Variants in ITPR2 observed in about 807,000 individuals in gnomAD.
ITPR2 encodes inositol 1,4,5-trisphosphate-gated calcium channel ITPR2.
Under a neutral mutation model 317.1 loss-of-function variants are expected in ITPR2, and 207 were observed. That is an observed-to-expected ratio of 0.65 (90% CI 0.58 to 0.73). The LOEUF (loss-of-function observed/expected upper bound fraction) is 0.73, where lower values mean the gene tolerates loss of function less well. ITPR2 is among the 30% of genes least tolerant of loss of function. The probability of loss-of-function intolerance (pLI) is 0.00; values close to 1 mark genes in which losing one functional copy is unlikely to be tolerated. For synonymous variants in ITPR2, 1,156 were observed against 1,149.1 expected (o/e 1.01, Z -0.12); for missense variants, 2,613 against 3,284.0 (o/e 0.80, Z 4.99).
rs571118402 is a variant in ITPR2 at position 26,402,832 on chromosome 12, C to T, written c.7400-2574G>A. ...GGTAAATTCATCTAGTAAATGCCAC[C>T]TTGTGGTTACCTGTGTAATCAGCTG... On this transcript the variant is annotated intron_variant, in intron 52 of 56. Transcript: ENST00000381340. Among the ~76,000 whole-genome samples the T allele has an allele frequency of 7.9e-5, 12 of 152,300 alleles. No individual in the cohort carries two copies. The East Asian group carries it at 1.7e-3, about 22-fold the overall frequency.
chr12:26,829,640 A>G (rs61338059), intron 1 of ITPR2, among the ~76,000 whole-genome samples: 24,424 of 152,212 alleles, frequency 0.16, 2,330 homozygotes, highest in East Asian at 0.22. Context: ...TCCTAGGCTC[A>G]CCATGCTTCC....
intron 37 of ITPR2, among the ~76,000 whole-genome samples, chr12:26,533,441 G>A (rs1943999107): frequency 6.6e-6 from 1 of 152,220 alleles, no homozygotes; most frequent in South Asian, 2.1e-4. Flanking sequence ...TCAGCAAAAT[G>A]CGCACAAGAG....
chr12:26,582,941 C>A (rs1184319815), intron 32 of ITPR2, among the ~76,000 whole-genome samples: 1 of 152,058 alleles, frequency 6.6e-6, no homozygotes, highest in Admixed American at 6.6e-5. Flanking sequence ...CTGCCTCCAT[C>A]CCCATCTCCC....
chr12:26,583,472 T>C (rs1945450268), intron 32 of ITPR2, among the ~76,000 whole-genome samples: 1 of 152,072 alleles, frequency 6.6e-6, no homozygotes, highest in Non-Finnish European at 1.5e-5. Flanking sequence ...TCAGGCACTG[T>C]TATTTATTTT....
chr12:26,722,326 G>A, intron 5 of ITPR2, 71 bp downstream of exon 5: 1 of 1,345,392 alleles, frequency 7.4e-7, no homozygotes, highest in Non-Finnish European at 1.0e-6. Flanking sequence ...GTACTTTCTG[G>A]ATTATCTTAC....
intron 37 of ITPR2, among the ~76,000 whole-genome samples, chr12:26,532,534 C>G (rs946241324): frequency 2.6e-5 from 4 of 152,178 alleles, no homozygotes; most frequent in Non-Finnish European, 5.9e-5. Context: ...GTGTGTGCCA[C>G]TATGCCCAGC....
At chr12:26,460,729 G>C (rs773088765) in intron 45 of ITPR2, among the ~76,000 whole-genome samples, 1 of 152,084 alleles carries the variant, frequency 6.6e-6, no homozygotes, top group Non-Finnish European at 1.5e-5. Context: ...CTCTGGGGTC[G>C]GGGTCCCGGA....
intron 55 of ITPR2, among the ~76,000 whole-genome samples, chr12:26,350,971 G>A (rs1358494284): frequency 6.6e-6 from 1 of 152,240 alleles, no homozygotes; most frequent in African/African-American, 2.4e-5. Flanking sequence ...ACAGAGAGAA[G>A]AGGGAGTGAC....
intron 43 of ITPR2, among the ~76,000 whole-genome samples, chr12:26,480,601 G>C (rs992683364): frequency 1.3e-5 from 2 of 152,094 alleles, no homozygotes; most frequent in South Asian, 4.1e-4. Flanking sequence ...CAGCACTTTG[G>C]GAGGCCGAGG....
Position 26,686,505 on chromosome 12 carries a change from T to C in ITPR2, c.1124A>G (p.Gln375Arg). 2.5e-6 allele frequency: 4 copies of C among 1,602,156 alleles called. No homozygotes were observed. The highest frequency in any genetic ancestry group is 3.4e-6 in the Non-Finnish European group (4 of 1,173,972). Residue 375 changes from glutamine to arginine, a missense_variant, in exon 11 of 57, where the codon CAG (glutamine) becomes CGG (arginine). Coordinates refer to ENST00000381340, the MANE Select transcript of ITPR2 (RefSeq NM_002223.4). ...SLFELDATTL[Q>R]RADCLVPRNS... Reference sequence around the variant, plus strand: ...CCTTGGAACCAGGCAGTCAGCTCTCTGAAGAGTTGTGGCATCTAGTTCAAA... The same window carrying C: ...CCTTGGAACCAGGCAGTCAGCTCTCCGAAGAGTTGTGGCATCTAGTTCAAA...
chr12:26,752,545 T>C (rs1210246190), intron 2 of ITPR2, among the ~76,000 whole-genome samples: 1 of 152,186 alleles, frequency 6.6e-6, no homozygotes, highest in Non-Finnish European at 1.5e-5. Flanking sequence ...GGAATTACCC[T>C]ATATGGTCTA....
intron 37 of ITPR2, among the ~76,000 whole-genome samples, chr12:26,513,718 C>G (rs1943416418): frequency 6.6e-6 from 1 of 151,342 alleles, no homozygotes; most frequent in Non-Finnish European, 1.5e-5. Flanking sequence ...AATTTTTCCA[C>G]TGTCTCCAAA....
chr12:26,588,447 G>C (rs1275115965), intron 32 of ITPR2, among the ~76,000 whole-genome samples: 1 of 152,130 alleles, frequency 6.6e-6, no homozygotes, highest in Admixed American at 6.5e-5. Flanking sequence ...TGAAATATTA[G>C]TTAAAAGACC....
chr12:26,746,822 A>ATG (rs34449902), intron 2 of ITPR2, among the ~76,000 whole-genome samples: 83,712 of 147,628 alleles, frequency 0.57, 24,769 homozygotes, highest in East Asian at 0.87. Flanking sequence ...GGGTGCATGC[A>ATG]TGTGTGTGTG....
intron 55 of ITPR2, among the ~76,000 whole-genome samples, chr12:26,374,098 G>A (rs1171793965): frequency 6.6e-6 from 1 of 152,160 alleles, no homozygotes; most frequent in Non-Finnish European, 1.5e-5. Context: ...ACCTCTTTGT[G>A]GTAAGATCTG....
chr12:26,666,367 C>G (rs562223558), intron 13 of ITPR2, among the ~76,000 whole-genome samples: 7 of 152,212 alleles, frequency 4.6e-5, no homozygotes, highest in African/African-American at 1.7e-4. Flanking sequence ...TCTCTACTTG[C>G]GCCTCCAGTT....
At chr12:26,681,111 C>T (rs920068934) in intron 13 of ITPR2, among the ~76,000 whole-genome samples, 1 of 152,162 alleles carries the variant, frequency 6.6e-6, no homozygotes, top group Admixed American at 6.5e-5. Context: ...GATGCTTGTG[C>T]TTAGGCATAC....
chr12:26,770,680 C>A (rs921363785), intron 2 of ITPR2, among the ~76,000 whole-genome samples: 2 of 152,230 alleles, frequency 1.3e-5, no homozygotes, highest in Non-Finnish European at 2.9e-5. Flanking sequence ...CATATCCATT[C>A]TTTTCTTCCT....
intron 55 of ITPR2, among the ~76,000 whole-genome samples, chr12:26,344,783 C>T (rs905873391): frequency 1.3e-5 from 2 of 152,334 alleles, no homozygotes; most frequent in Admixed American, 1.3e-4. Context: ...GCTTATGGAA[C>T]ATATAGTTCA....
Sources: gnomAD v4.1 joint callset for allele counts (sites outside exome capture counted in the v4.1 genomes callset) on GRCh38, gnomAD v4.1.1 for gene constraint, MANE v1.5 for transcripts, NCBI Gene and HGNC (gene_info 2026-07-23, HGNC 2026-07-21) for gene names.